Variants in KCTD16 observed in about 807,000 individuals in gnomAD.
The protein encoded by KCTD16 is BTB/POZ domain-containing protein KCTD16.
In KCTD16, 13 loss-of-function variants were observed where a neutral mutation model predicts 33.2. The ratio of observed to expected loss-of-function variants is 0.39; its 90% confidence interval spans 0.25 to 0.62. The LOEUF is 0.62. Among genes scored for constraint, KCTD16 ranks in the 20% least tolerant of loss-of-function variants. The probability of loss-of-function intolerance (pLI) is 0.50; values close to 1 mark genes in which losing one functional copy is unlikely to be tolerated. For synonymous variants in KCTD16, 197 were observed against 195.3 expected (o/e 1.01, Z -0.07); for missense variants, 441 against 525.1 (o/e 0.84, Z 1.57).
intron 3 of KCTD16, among the ~76,000 whole-genome samples, chr5:144,309,474 A>G (rs928237030): frequency 2.0e-5 from 3 of 152,230 alleles, no homozygotes; most frequent in Middle Eastern, 3.4e-3. Flanking sequence ...GCATATTTGA[A>G]TGAAGTCTTC....
At chr5:144,412,248 A>G (rs949038074) in intron 3 of KCTD16, among the ~76,000 whole-genome samples, 6 of 152,240 alleles carry the variant, frequency 3.9e-5, no homozygotes, top group Admixed American at 2.6e-4. Flanking sequence ...ACTACTCACA[A>G]TAGCCAAAAT....
chr5:144,188,269 T>C (rs1251784816), intron 2 of KCTD16, among the ~76,000 whole-genome samples: 1 of 152,256 alleles, frequency 6.6e-6, no homozygotes, highest in African/African-American at 2.4e-5. Flanking sequence ...ATATTAGCTT[T>C]GTACCTCTTC....
intron 3 of KCTD16, among the ~76,000 whole-genome samples, chr5:144,429,267 A>G (rs1325689291): frequency 1.3e-5 from 2 of 152,146 alleles, no homozygotes; most frequent in Admixed American, 6.6e-5. Context: ...TCCACCTTAG[A>G]CAAGCTTAAG....
intron 3 of KCTD16, among the ~76,000 whole-genome samples, chr5:144,442,731 C>T (rs1244880629): frequency 6.6e-6 from 1 of 151,954 alleles, no homozygotes; most frequent in Non-Finnish European, 1.5e-5. Context: ...TCAAACTCTC[C>T]ACTCTCTGTT....
intron 3 of KCTD16, among the ~76,000 whole-genome samples, chr5:144,272,055 G>A (rs1554084184): frequency 6.6e-6 from 1 of 152,082 alleles, no homozygotes; most frequent in Non-Finnish European, 1.5e-5. Context: ...TCAATTGGAA[G>A]ATATAATATA....
intron 3 of KCTD16, among the ~76,000 whole-genome samples, chr5:144,309,013 A>G (rs1751684616): frequency 1.3e-5 from 2 of 152,114 alleles, no homozygotes; most frequent in Admixed American, 6.6e-5. Context: ...AACCACACAG[A>G]TTGTTAAGTG....
rs1344233799 is a variant in KCTD16, at chr5:144,484,089, G to T, written c.*9975G>T. On this transcript the variant is annotated 3_prime_UTR_variant, in exon 4 of 4. Coordinates refer to ENST00000512467, the MANE Select transcript of KCTD16 (RefSeq NM_020768.4). ...ATTTTTAATTCCAAAGGAGAAAGTT[G>T]AATCAGGAAAATTTGTCTTAAAATA... is the stretch of plus-strand genomic sequence containing the variant. 1 of 151,802 alleles carries T rather than the reference G, an allele frequency of 6.6e-6. No homozygotes were observed. Among genetic ancestry groups the T allele is most frequent in the Non-Finnish European group, 1.5e-5 (1 of 67,866 alleles). 9.4% of individuals were successfully genotyped at this position (151,802 alleles called of 1,614,324 possible).
intron 3 of KCTD16, among the ~76,000 whole-genome samples, chr5:144,402,649 T>A (rs1752729309): frequency 6.6e-6 from 1 of 152,156 alleles, no homozygotes; most frequent in Non-Finnish European, 1.5e-5. Context: ...CTCAAGAGGG[T>A]TTAGCTCAGT....
intron 3 of KCTD16, among the ~76,000 whole-genome samples, chr5:144,369,171 T>C (rs1030669539): frequency 6.6e-6 from 1 of 152,106 alleles, no homozygotes; most frequent in Non-Finnish European, 1.5e-5. Flanking sequence ...CGATTTAGCC[T>C]CAGTCAGCCC....
At chr5:144,319,429 G>A (rs1561565656) in intron 3 of KCTD16, among the ~76,000 whole-genome samples, 1 of 152,104 alleles carries the variant, frequency 6.6e-6, no homozygotes, top group South Asian at 2.1e-4. Flanking sequence ...TTTCCACCTA[G>A]CTTCCCTAAG....
chr5:144,191,822 A>AT lies in KCTD16; in HGVS notation c.-326-14554dup, dbSNP rs5871869. On this transcript the variant is annotated intron_variant, in intron 2 of 3. Transcript: ENST00000512467. ...CTTCTGCATGGAGCTGCGTATTTCC[A>AT]TTTTTTTTTTTTTCAGCAGTACAAA... 6.2e-3 allele frequency among the ~76,000 whole-genome samples: 917 copies of AT among 147,540 alleles called. 1 individual carries two copies. The highest frequency in any genetic ancestry group is 9.3e-3 in the Non-Finnish European group (617 of 66,538).
chr5:144,257,833 G>C (rs528204486), intron 3 of KCTD16, among the ~76,000 whole-genome samples: 3 of 152,242 alleles, frequency 2.0e-5, no homozygotes, highest in Non-Finnish European at 4.4e-5. Flanking sequence ...TTATCATAAT[G>C]AGTAGTGCAG....
chr5:144,389,510 C>G (rs866942388), intron 3 of KCTD16, among the ~76,000 whole-genome samples: 1 of 151,918 alleles, frequency 6.6e-6, no homozygotes. Flanking sequence ...ATGGGATTAT[C>G]TAGTTGCAGA....
intron 3 of KCTD16, among the ~76,000 whole-genome samples, chr5:144,306,751 C>T (rs73312784): frequency 1.3e-5 from 2 of 152,132 alleles, no homozygotes; most frequent in Non-Finnish European, 2.9e-5. Context: ...AACTCTACCA[C>T]CCCTCAGGAT....
chr5:144,251,138 T>G (rs1239421940), intron 3 of KCTD16, among the ~76,000 whole-genome samples: 1 of 152,146 alleles, frequency 6.6e-6, no homozygotes, highest in African/African-American at 2.4e-5. Context: ...ATATAAGAGA[T>G]AAACCTGGTA....
intron 3 of KCTD16, among the ~76,000 whole-genome samples, chr5:144,321,956 A>G (rs1752083319): frequency 6.6e-6 from 1 of 152,166 alleles, no homozygotes; most frequent in South Asian, 2.1e-4. Flanking sequence ...TTATTTTTTT[A>G]AATACAGGTA....
rs774773237 is a variant in KCTD16, at chr5:144,474,159, A to C, written c.*45A>C. The C allele has an allele frequency of 2.8e-6, 4 of 1,417,208 alleles. No individual in the cohort carries two copies. Among genetic ancestry groups the C allele is most frequent in the Non-Finnish European group, 3.9e-6 (4 of 1,037,802 alleles). 87.8% of individuals were successfully genotyped at this position (1,417,208 alleles called of 1,614,324 possible). On this transcript the variant is annotated 3_prime_UTR_variant, in exon 4 of 4. Transcript: ENST00000512467. ...AAAGAAAAAAAAAAGTCATTTTGAA[A>C]TTAACCTCCTAAAAGGAATTCATAT...
At chr5:144,331,039 A>G (rs945665211) in intron 3 of KCTD16, among the ~76,000 whole-genome samples, 1 of 152,242 alleles carries the variant, frequency 6.6e-6, no homozygotes, top group Non-Finnish European at 1.5e-5. Flanking sequence ...TAAAATAGCC[A>G]TAAACTTTTT....
intron 3 of KCTD16, among the ~76,000 whole-genome samples, chr5:144,278,521 C>T (rs1299603993): frequency 1.6e-5 from 2 of 121,956 alleles, no homozygotes; most frequent in Non-Finnish European, 3.2e-5. Flanking sequence ...GACGGAGTCT[C>T]GCTCTGTCGC....
Sources: allele counts gnomAD v4.1 joint callset (sites outside exome capture counted in the v4.1 genomes callset), GRCh38; gene constraint gnomAD v4.1.1; transcripts MANE v1.5; gene names NCBI Gene and HGNC (gene_info 2026-07-23, HGNC 2026-07-21).